The following TYW1 variants were observed in gnomAD, a reference collection of about 807,000 sequenced individuals.
TYW1 encodes the protein S-adenosyl-L-methionine-dependent tRNA 4-demethylwyosine synthase TYW1.
Under a neutral mutation model 96.2 loss-of-function variants are expected in TYW1, and 46 were observed. That is an observed-to-expected ratio of 0.48 (90% confidence interval 0.38 to 0.61). The LOEUF is 0.61. TYW1 is among the 20% of genes least tolerant of loss of function. The pLI, the probability that TYW1 is intolerant of heterozygous loss-of-function variation, is 0.00. For synonymous variants in TYW1, 274 were observed against 323.0 expected, an observed-to-expected ratio of 0.85 and a Z score of 1.63; for missense variants, 684 against 909.6, an observed-to-expected ratio of 0.75 and a Z score of 3.19.
rs770400411 is a variant in TYW1 at position 67,017,879 on chromosome 7, C to G, written c.597C>G (p.Leu199=). ...TTGGCAAAAATGTTGACAAGTGGCTCTGGATGCTTGGCGCGCATCGTGTGA... is the reference window on the plus strand; with the variant it reads ...TTGGCAAAAATGTTGACAAGTGGCTGTGGATGCTTGGCGCGCATCGTGTGA... ...NKVGKNVDKW[L]WMLGAHRVMS... is the part of the protein sequence containing the mutation. Residue 199 remains leucine, a synonymous_variant, in exon 6 of 16, where the codon CTC becomes CTG. Coordinates refer to ENST00000359626, the MANE Select transcript of TYW1 (RefSeq NM_018264.4). 6.2e-7 allele frequency: 1 copy of G among 1,613,324 alleles called. No individual in the cohort carries two copies. Among genetic ancestry groups the G allele is most frequent in the South Asian group, 1.1e-5 (1 of 91,066 alleles).
rs1318034437 is a variant in TYW1, at chr7:67,075,043, C to G, written c.1274+7640C>G. Among the ~76,000 whole-genome samples, 4 of 152,226 alleles carry G rather than the reference C, an allele frequency of 2.6e-5. No individual in the cohort carries two copies. The East Asian group carries it at 7.7e-4, about 29-fold the overall frequency. The stretch of plus-strand genomic sequence containing the variant: ...ACAGGCGTGAGCCACCGGGCCTGAC[C>G]AATGACTGTGTTTTTAAACTACAAC... On this transcript the variant is annotated intron_variant, in intron 10 of 15. Transcript: ENST00000359626.
intron 7 of TYW1, among the ~76,000 whole-genome samples, chr7:67,045,014 G>GT (rs1242306136): frequency 2.0e-5 from 3 of 152,154 alleles, no homozygotes; most frequent in African/African-American, 7.2e-5. Context: ...CAGGAGAAAT[G>GT]TATGTTTTGG....
intron 14 of TYW1, among the ~76,000 whole-genome samples, chr7:67,194,574 C>T (rs970547718): frequency 1.3e-5 from 2 of 151,884 alleles, no homozygotes; most frequent in African/African-American, 4.8e-5. Flanking sequence ...TGGTGAGCCC[C>T]GATTGCGCCA....
At chr7:67,166,379 TAATAAGTTTTTA>T (rs1799331127) in intron 13 of TYW1, among the ~76,000 whole-genome samples, 3 of 143,804 alleles carry the variant, frequency 2.1e-5, no homozygotes, top group African/African-American at 7.6e-5. Context: ...ACATGATTTT[TAATAAGTTTTTA>T]AATTGGAGTA....
chr7:67,043,493 C>T (rs1359489744), intron 7 of TYW1, among the ~76,000 whole-genome samples: 1 of 152,004 alleles, frequency 6.6e-6, no homozygotes, highest in Non-Finnish European at 1.5e-5. Context: ...GACAGTTACT[C>T]ACTGGAGAAA....
intron 9 of TYW1, among the ~76,000 whole-genome samples, chr7:67,066,451 T>C (rs186961801): frequency 5.5e-4 from 84 of 152,314 alleles, no homozygotes; most frequent in Non-Finnish European, 4.7e-4. Flanking sequence ...ACTCGTGATA[T>C]TTGTTTTTAT....
intron 7 of TYW1, among the ~76,000 whole-genome samples, chr7:67,042,953 T>C (rs945385442): frequency 1.3e-5 from 2 of 151,980 alleles, no homozygotes; most frequent in African/African-American, 4.8e-5. Context: ...GCAGAGATTG[T>C]GCCTCTGTAC....
chr7:67,006,948 CTTTTTTTTT>C (rs34475001), intron 3 of TYW1, among the ~76,000 whole-genome samples: 52 of 45,142 alleles, frequency 1.2e-3, no homozygotes, highest in Admixed American at 1.5e-3. Context: ...AGATGTGAGG[CTTTTTTTTT>C]TTTTTTTTTT....
At chr7:67,008,287 G>A (rs891907979) in intron 3 of TYW1, among the ~76,000 whole-genome samples, 2 of 152,182 alleles carry the variant, frequency 1.3e-5, no homozygotes, top group African/African-American at 4.8e-5. Flanking sequence ...TTGTTCAGGG[G>A]TTTTTCTTGG....
At chr7:67,197,501 T>G (rs1489755775) in intron 15 of TYW1, among the ~76,000 whole-genome samples, 1 of 152,144 alleles carries the variant, frequency 6.6e-6, no homozygotes, top group Non-Finnish European at 1.5e-5. Context: ...AATTTTTGTG[T>G]TTTTAGTAGA....
At chr7:67,014,668 CAT>C (rs1469036971) in intron 5 of TYW1, 107 bp downstream of exon 5, 36 of 1,295,272 alleles carry the variant, frequency 2.8e-5, no homozygotes, top group East Asian at 1.3e-4. Flanking sequence ...CATAAACACA[CAT>C]GTATGTGAAA....
intron 7 of TYW1, among the ~76,000 whole-genome samples, chr7:67,044,879 C>G (rs1795139490): frequency 6.6e-6 from 1 of 152,166 alleles, no homozygotes; most frequent in Non-Finnish European, 1.5e-5. Context: ...CTCCACCTCC[C>G]AAAGTGCTAG....
intron 12 of TYW1, among the ~76,000 whole-genome samples, chr7:67,108,870 A>G (rs59715913): frequency 0.29 from 44,702 of 152,136 alleles, 7,341 homozygotes; most frequent in African/African-American, 0.44. Context: ...TGAACACAAT[A>G]GAATTAAACT....
chr7:67,130,677 AT>A (rs1584598866), intron 13 of TYW1, among the ~76,000 whole-genome samples: 1 of 151,738 alleles, frequency 6.6e-6, no homozygotes, highest in East Asian at 1.9e-4. Flanking sequence ...AAAAAAAAAA[AT>A]GCAAAATACA....
chr7:67,206,319 A>C (rs1479282068), intron 15 of TYW1, among the ~76,000 whole-genome samples: 1 of 152,124 alleles, frequency 6.6e-6, no homozygotes, highest in Non-Finnish European at 1.5e-5. Flanking sequence ...AATTTACTCT[A>C]AGGGTACTAG....
chr7:67,230,626 C>A lies in TYW1; in HGVS notation c.1978-7682C>A, dbSNP rs371179193. On this transcript the variant is annotated intron_variant, in intron 15 of 15. Coordinates refer to ENST00000359626, the MANE Select transcript of TYW1 (RefSeq NM_018264.4). Reference sequence around the variant, plus strand: ...TATATTGCTGCTCGCCCCTGCACCCCCAACCCACCATTTTGCTTATTATCT... The same window carrying A: ...TATATTGCTGCTCGCCCCTGCACCCACAACCCACCATTTTGCTTATTATCT... Among the ~76,000 whole-genome samples, 60 of 150,538 alleles carry A rather than the reference C, an allele frequency of 4.0e-4. No individual in the cohort carries two copies. In the East Asian group the frequency reaches 6.2e-3, roughly 16 times the overall value.
Position 67,199,066 on chromosome 7 carries a change from A to G in TYW1, c.1977+3729A>G, listed in dbSNP as rs941165706. On this transcript the variant is annotated intron_variant, in intron 15 of 15. Coordinates refer to ENST00000359626, the MANE Select transcript of TYW1 (RefSeq NM_018264.4). ...AGAAAAATTTCCTAGGCGTGATGGC[A>G]TGAACCTGTAGTCCCAGCTACTTAG... Among the ~76,000 whole-genome samples, 14 of 152,224 alleles carry G rather than the reference A, an allele frequency of 9.2e-5. 1 individual carries two copies. The South Asian group carries it at 1.9e-3, about 20-fold the overall frequency.
intron 13 of TYW1, among the ~76,000 whole-genome samples, chr7:67,141,826 A>G (rs1329058339): frequency 6.6e-6 from 1 of 152,214 alleles, no homozygotes; most frequent in Non-Finnish European, 1.5e-5. Flanking sequence ...ACTTGAGTTC[A>G]AGAGTTTGAG....
chr7:66,999,455 C>T (rs1393057875), intron 3 of TYW1, among the ~76,000 whole-genome samples: 4 of 152,130 alleles, frequency 2.6e-5, no homozygotes, highest in Admixed American at 6.5e-5. Context: ...CCACCTCAAG[C>T]GATTCTCCTG....
Sources: allele counts gnomAD v4.1 joint callset (sites outside exome capture counted in the v4.1 genomes callset), GRCh38; gene constraint gnomAD v4.1.1; transcripts MANE v1.5; gene names NCBI Gene and HGNC (gene_info 2026-07-23, HGNC 2026-07-21).